TPST1: variants seen among roughly 807,000 people sequenced by gnomAD.
TPST1 encodes tyrosylprotein sulfotransferase 1, also known as protein-tyrosine sulfotransferase 1.
A neutral mutation model predicts 34.8 loss-of-function variants in TPST1; 20 were observed. That is an observed-to-expected ratio of 0.57 (90% CI 0.40 to 0.84). The LOEUF (loss-of-function observed/expected upper bound fraction) is 0.84. TPST1 is among the 40% of genes least tolerant of loss of function. The pLI is 0.00. For missense variants in TPST1, 353 were observed against 455.5 expected, an observed-to-expected ratio of 0.78 and a Z score of 2.05; for synonymous variants, 152 against 159.4, an observed-to-expected ratio of 0.95 and a Z score of 0.35.
intron 3 of TPST1, among the ~76,000 whole-genome samples, chr7:66,295,162 T>G (rs1791167912): frequency 6.6e-6 from 1 of 152,116 alleles, no homozygotes. Context: ...GGGTAAAGTA[T>G]CTGAGATTTT....
At position 66,227,028 on chromosome 7, in the gene TPST1, C is replaced by CTTTTTTTTTTTTTTTT; in HGVS notation, c.-101-13289_-101-13274dup. Among the ~76,000 whole-genome samples the CTTTTTTTTTTTTTTTT allele has an allele frequency of 2.1e-3, 146 of 69,204 alleles. 43 individuals carry two copies. Among genetic ancestry groups the CTTTTTTTTTTTTTTTT allele is most frequent in the African/African-American group, 7.5e-3 (111 of 14,896 alleles). 45.4% of individuals were successfully genotyped at this position (69,204 alleles called of 152,430 possible). ...TTGGTGTTGGATGCCTTAAAATAAG[C>CTTTTTTTTTTTTTTTT]TTTTTTTTTTTTTTTTTTTTTTTGA... On this transcript the variant is annotated intron_variant, in intron 1 of 5. Transcript: ENST00000304842.
intron 2 of TPST1, among the ~76,000 whole-genome samples, chr7:66,250,851 C>T (rs142816450): frequency 6.6e-6 from 1 of 152,328 alleles, no homozygotes; most frequent in African/African-American, 2.4e-5. Context: ...GATACTGCTA[C>T]AGTCCATCTG....
chr7:66,259,519 C>T (rs1790444323), intron 2 of TPST1, among the ~76,000 whole-genome samples: 1 of 151,790 alleles, frequency 6.6e-6, no homozygotes, highest in African/African-American at 2.4e-5. Context: ...TCCTTTCCTT[C>T]AGGACTCCAA....
upstream of TPST1, among the ~76,000 whole-genome samples, chr7:66,204,868 G>T (rs1198544990): frequency 2.6e-5 from 4 of 152,264 alleles, no homozygotes; most frequent in Admixed American, 1.3e-4. Context: ...CAGCTTCTCT[G>T]CCAGCAGCGG....
intron 1 of TPST1, among the ~76,000 whole-genome samples, chr7:66,225,835 C>G (rs528023343): frequency 6.6e-6 from 1 of 152,134 alleles, no homozygotes; most frequent in African/African-American, 2.4e-5. Context: ...ACTATAGTCT[C>G]TTATCTAGAA....
chr7:66,252,950 C>T (rs1437332629), intron 2 of TPST1, among the ~76,000 whole-genome samples: 17 of 152,100 alleles, frequency 1.1e-4, no homozygotes, highest in Admixed American at 6.5e-4. Flanking sequence ...TGACCAGTTT[C>T]CCGGAACCAT....
Position 66,355,613 on chromosome 7 carries a change from G to A in TPST1, c.1096-1212G>A, listed in dbSNP as rs571940798. ...CCTATCTCTATCAAAAAATTAGCTG[G>A]GCAGGGCCAGGCGTGGTGGCTCCCA... On this transcript the variant is annotated intron_variant, in intron 4 of 5. Coordinates refer to ENST00000304842, the MANE Select transcript of TPST1 (RefSeq NM_003596.4). Among the ~76,000 whole-genome samples, 4 of 150,456 alleles carry A rather than the reference G, an allele frequency of 2.7e-5. No individual in the cohort carries two copies. In the South Asian group the frequency reaches 8.5e-4, roughly 32 times the overall value.
At chr7:66,238,753 C>T (rs1789963324) in intron 1 of TPST1, among the ~76,000 whole-genome samples, 1 of 152,140 alleles carries the variant, frequency 6.6e-6, no homozygotes, top group Non-Finnish European at 1.5e-5. Context: ...AACTGGACAC[C>T]AAAGTCTAGC....
chr7:66,240,293 A>T lies in TPST1; in HGVS notation c.-101-32A>T, dbSNP rs1043162308. On this transcript the variant is annotated intron_variant, in intron 1 of 5. Transcript: ENST00000304842. The stretch of plus-strand genomic sequence containing the variant: ...ACTGATTTGTAAGCAATCTCAATGT[A>T]ATGATAAATAACCTTTTCCTTTCTC... 6.3e-6 allele frequency: 7 copies of T among 1,103,642 alleles called. No individual in the cohort carries two copies. In the African/African-American group the frequency reaches 9.5e-5, roughly 15 times the overall value. The allele number at this position is 1,103,642 out of a possible 1,614,324, so 68.4% of individuals were successfully genotyped here.
intron 3 of TPST1, among the ~76,000 whole-genome samples, chr7:66,349,099 G>A (rs1406712839): frequency 6.6e-6 from 1 of 152,214 alleles, no homozygotes; most frequent in Admixed American, 6.5e-5. Context: ...TAAAGGCAAT[G>A]TGGGATGCAA....
intron 3 of TPST1, among the ~76,000 whole-genome samples, chr7:66,310,076 A>G (rs901265096): frequency 6.6e-6 from 1 of 152,176 alleles, no homozygotes; most frequent in Non-Finnish European, 1.5e-5. Context: ...TTGAACTCTC[A>G]CAGGCAGCAG....
intron 3 of TPST1, among the ~76,000 whole-genome samples, chr7:66,301,897 G>A (rs1791325875): frequency 6.6e-6 from 1 of 152,086 alleles, no homozygotes; most frequent in South Asian, 2.1e-4. Context: ...GCATGTTGTT[G>A]GAAAAATGTC....
chr7:66,320,608 T>G (rs117658276), intron 3 of TPST1, among the ~76,000 whole-genome samples: 2,375 of 151,814 alleles, frequency 0.016, 59 homozygotes, highest in East Asian at 0.091. Flanking sequence ...ATAGTTTTTT[T>G]TGTGTGTGTG....
At chr7:66,244,352 C>G (rs1790105579) in intron 2 of TPST1, among the ~76,000 whole-genome samples, 2 of 152,120 alleles carry the variant, frequency 1.3e-5, no homozygotes, top group South Asian at 2.1e-4. Flanking sequence ...AAGATGTCAC[C>G]AGATGGCCTA....
chr7:66,294,170 T>C (rs1425916652), intron 3 of TPST1, among the ~76,000 whole-genome samples: 1 of 152,216 alleles, frequency 6.6e-6, no homozygotes, highest in Non-Finnish European at 1.5e-5. Context: ...TCTGTACCCA[T>C]ACTCTTCATT....
chr7:66,337,695 A>G (rs1416160723), intron 3 of TPST1, among the ~76,000 whole-genome samples: 1 of 152,210 alleles, frequency 6.6e-6, no homozygotes, highest in Non-Finnish European at 1.5e-5. Context: ...TCAAAACATC[A>G]AAAAGTCAAA....
chr7:66,233,600 A>T (rs1789843861), intron 1 of TPST1, among the ~76,000 whole-genome samples: 1 of 152,108 alleles, frequency 6.6e-6, no homozygotes, highest in South Asian at 2.1e-4. Context: ...TGTAGCATTT[A>T]GTTTTGAAAT....
chr7:66,219,713 C>T (rs1242746657), intron 1 of TPST1, among the ~76,000 whole-genome samples: 1 of 152,110 alleles, frequency 6.6e-6, no homozygotes, highest in Admixed American at 6.6e-5. Flanking sequence ...TCATTTGCAC[C>T]ATAATTGTTG....
chr7:66,240,431 T>C lies in TPST1; in HGVS notation c.6T>C (p.Val2=), dbSNP rs1790004670. The C allele has an allele frequency of 6.2e-7, 1 of 1,613,036 alleles. No individual in the cohort carries two copies. The highest frequency in any genetic ancestry group is 2.2e-5 in the East Asian group (1 of 44,862). The change falls in exon 2 of 6, where the codon GTT becomes GTC. Residue 2 remains valine, a synonymous_variant. Coordinates refer to ENST00000304842, the MANE Select transcript of TPST1 (RefSeq NM_003596.4). M[V]GKLKQNLLLA... ...AACAAGATAACCACATCAAGATGGT[T>C]GGAAAGCTGAAGCAGAACTTACTAT...
Sources: gnomAD v4.1 joint callset for allele counts (sites outside exome capture counted in the v4.1 genomes callset) on GRCh38, gnomAD v4.1.1 for gene constraint, MANE v1.5 for transcripts, NCBI Gene and HGNC (gene_info 2026-07-23, HGNC 2026-07-21) for gene names.